Variants in SEPTIN7 observed in about 807,000 individuals in gnomAD.
SEPTIN7 encodes the protein septin 7.
In SEPTIN7, 10 loss-of-function variants were observed where a neutral mutation model predicts 63.3. That is an observed-to-expected ratio of 0.16 (90% CI 0.10 to 0.27). The LOEUF (loss-of-function observed/expected upper bound fraction) is 0.27, where lower values mean the gene tolerates loss of function less well. SEPTIN7 is among the 10% of genes least tolerant of loss of function. SEPTIN7 has a pLI of 1.00. For synonymous variants in SEPTIN7, 131 were observed against 165.3 expected (o/e 0.79, Z 1.59); for missense variants, 310 against 521.0 (o/e 0.59, Z 3.94).
chr7:35,861,009 C>G (rs984023173), intron 3 of SEPTIN7, among the ~76,000 whole-genome samples: 2 of 151,960 alleles, frequency 1.3e-5, no homozygotes, highest in African/African-American at 4.8e-5. Context: ...TAATTTTCTT[C>G]TTTCTTTTTT....
At chr7:35,856,611 AG>A (rs1785221720) in intron 3 of SEPTIN7, among the ~76,000 whole-genome samples, 1 of 152,182 alleles carries the variant, frequency 6.6e-6, no homozygotes, top group African/African-American at 2.4e-5. Flanking sequence ...CAGAAAAAGC[AG>A]ACTGAGTTCT....
chr7:35,805,995 T>C (rs1195774420), intron 1 of SEPTIN7, among the ~76,000 whole-genome samples: 1 of 152,202 alleles, frequency 6.6e-6, no homozygotes, highest in Non-Finnish European at 1.5e-5. Context: ...TTGAGCATTG[T>C]ACAGTATTTA....
intron 1 of SEPTIN7, among the ~76,000 whole-genome samples, chr7:35,801,658 C>A (rs1019416152): frequency 6.6e-6 from 1 of 152,310 alleles, no homozygotes; most frequent in Non-Finnish European, 1.5e-5. Context: ...TCCGCGGCCC[C>A]GCTTCCTCCT....
In SEPTIN7 at chr7:35,824,608, C is replaced by T. The variant is rs574019163; in HGVS notation, c.62-6884C>T. Among the ~76,000 whole-genome samples, 5 of 152,284 alleles carry T rather than the reference C, an allele frequency of 3.3e-5. No homozygotes were observed. The South Asian group carries it at 1.0e-3, about 32-fold the overall frequency. ...TTCTACTTTTAACAGTTGGTACTCA[C>T]CATTCATCTTAATTGCTCAAGCCCA... On this transcript the variant is annotated intron_variant, in intron 1 of 13. Coordinates refer to ENST00000350320, the MANE Select transcript of SEPTIN7 (RefSeq NM_001788.6).
chr7:35,824,061 T>G (rs2115819546), intron 1 of SEPTIN7, among the ~76,000 whole-genome samples: 1 of 152,138 alleles, frequency 6.6e-6, no homozygotes, highest in South Asian at 2.1e-4. Flanking sequence ...TTCTGGCTGC[T>G]ATCCTGTTGT....
In SEPTIN7 at chr7:35,882,561, T is replaced by G. The variant is rs1305780249; in HGVS notation, c.708T>G (p.Leu236=). 4.0e-6 allele frequency: 6 copies of G among 1,483,664 alleles called. No individual in the cohort carries two copies. Among genetic ancestry groups the G allele is most frequent in the Admixed American group, 2.3e-5 (1 of 43,184 alleles). 91.9% of individuals were successfully genotyped at this position (1,483,664 alleles called of 1,614,324 possible). A position where few individuals can be genotyped will look rare whatever the true frequency, so the allele number is the denominator to read the frequency against. ...PETDDEEENK[L]VKKIKDRLPL... ...CAGATGATGAAGAAGAAAATAAACTTGTTAAAAAGATAAAGGTAGGTTCAT... is the reference window on the plus strand; with the variant it reads ...CAGATGATGAAGAAGAAAATAAACTGGTTAAAAAGATAAAGGTAGGTTCAT... The change falls in exon 8 of 14, where the codon CTT becomes CTG. Residue 236 remains leucine (L), a synonymous_variant. Transcript: ENST00000350320.
chr7:35,801,346 G>T (rs1297810981), intron 1 of SEPTIN7, 76 bp downstream of exon 1: 2 of 1,495,300 alleles, frequency 1.3e-6, no homozygotes, highest in African/African-American at 2.9e-5. Flanking sequence ...CCGCTGGACC[G>T]AGCTAGGGAA....
chr7:35,825,984 T>G (rs1783492416), intron 1 of SEPTIN7, among the ~76,000 whole-genome samples: 1 of 152,138 alleles, frequency 6.6e-6, no homozygotes, highest in African/African-American at 2.4e-5. Context: ...AAATAGGTTA[T>G]GAACCTTTAA....
At chr7:35,871,153 T>C (rs1786120788) in intron 4 of SEPTIN7, among the ~76,000 whole-genome samples, 1 of 152,192 alleles carries the variant, frequency 6.6e-6, no homozygotes, top group Admixed American at 6.5e-5. Flanking sequence ...ATCTGCAAAA[T>C]TTTCACTTGA....
intron 10 of SEPTIN7, among the ~76,000 whole-genome samples, chr7:35,888,393 C>G (rs1787405084): frequency 6.6e-6 from 1 of 152,144 alleles, no homozygotes. Flanking sequence ...ATGACACTAA[C>G]AAAAATAACT....
chr7:35,843,176 G>A (rs1784492550), intron 3 of SEPTIN7, among the ~76,000 whole-genome samples: 1 of 152,184 alleles, frequency 6.6e-6, no homozygotes, highest in Non-Finnish European at 1.5e-5. Flanking sequence ...AAGAACCAGA[G>A]GGAGGTAATG....
At chr7:35,841,516 G>GTA (rs1286740878) in intron 3 of SEPTIN7, among the ~76,000 whole-genome samples, 1 of 152,142 alleles carries the variant, frequency 6.6e-6, no homozygotes, top group Non-Finnish European at 1.5e-5. Context: ...AAACTTCATA[G>GTA]TATATAGGCT....
chr7:35,830,668 A>G (rs965904823), intron 1 of SEPTIN7, among the ~76,000 whole-genome samples: 2 of 152,206 alleles, frequency 1.3e-5, no homozygotes, highest in African/African-American at 4.8e-5. Context: ...TATTACATTT[A>G]ATTACCTTAA....
At chr7:35,831,557 A>G (rs1783835412) in intron 2 of SEPTIN7, 61 bp downstream of exon 2, 1 of 400,134 alleles carries the variant, frequency 2.5e-6, no homozygotes, top group African/African-American at 2.2e-5. Context: ...AATTTAATTT[A>G]TAGTTGGATG....
intron 13 of SEPTIN7, 96 bp downstream of exon 13, chr7:35,903,311 G>T (rs1788431220): frequency 2.8e-6 from 4 of 1,420,914 alleles, no homozygotes; most frequent in Non-Finnish European, 3.7e-6. Flanking sequence ...CACTTAAAAA[G>T]TCATCACCCA....
At chr7:35,873,942 C>A in intron 6 of SEPTIN7, 167 bp downstream of exon 6, 1 of 586,824 alleles carries the variant, frequency 1.7e-6, no homozygotes, top group Non-Finnish European at 2.9e-6. Flanking sequence ...ATTTTAAGTC[C>A]TATATAAGCT....
chr7:35,874,554 A>G (rs2116229337), intron 6 of SEPTIN7, among the ~76,000 whole-genome samples: 1 of 152,230 alleles, frequency 6.6e-6, no homozygotes, highest in African/African-American at 2.4e-5. Flanking sequence ...CTCTCCACCA[A>G]AAGAACTGTA....
intron 6 of SEPTIN7, among the ~76,000 whole-genome samples, chr7:35,875,768 C>T (rs1313116191): frequency 6.6e-6 from 1 of 151,686 alleles, no homozygotes; most frequent in South Asian, 2.1e-4. Flanking sequence ...GATTTTTTCT[C>T]TTATACATAC....
At chr7:35,849,936 C>A (rs1784880419) in intron 3 of SEPTIN7, among the ~76,000 whole-genome samples, 1 of 152,192 alleles carries the variant, frequency 6.6e-6, no homozygotes, top group Non-Finnish European at 1.5e-5. Context: ...TCCTGTGGGG[C>A]CATCTTTAAA....
Sources: allele counts gnomAD v4.1 joint callset (sites outside exome capture counted in the v4.1 genomes callset), GRCh38; gene constraint gnomAD v4.1.1; transcripts MANE v1.5; gene names NCBI Gene and HGNC (gene_info 2026-07-23, HGNC 2026-07-21).